The following FRMD4A variants were observed in gnomAD, a reference collection of about 807,000 sequenced individuals.
FRMD4A encodes FERM domain-containing protein 4A.
FRMD4A carries 29 observed loss-of-function variants against 129.1 expected under a neutral mutation model. The observed-to-expected ratio is 0.22, with a 90% confidence interval of 0.17 to 0.31. FRMD4A has a LOEUF of 0.31. Ranked by LOEUF, FRMD4A falls within the 10% of genes least tolerant of loss-of-function variation. The pLI is 1.00. For missense variants in FRMD4A, 1,272 were observed against 1,375.8 expected (o/e 0.92, Z 1.19); for synonymous variants, 634 against 571.6 (o/e 1.11, Z -1.56).
At chr10:13,700,820 C>CTTTTTTTTTTTT (rs71503097) in intron 14 of FRMD4A, among the ~76,000 whole-genome samples, 12 of 44,706 alleles carry the variant, frequency 2.7e-4, no homozygotes, top group South Asian at 1.5e-3. Flanking sequence ...AGGGTAGTTG[C>CTTTTTTTTTTTT]TTTTTTTTTT....
At chr10:14,087,421 G>A (rs1286747626) in intron 2 of FRMD4A, 1 of 151,060 alleles carries the variant, frequency 6.6e-6, no homozygotes, top group Non-Finnish European at 1.5e-5. Context: ...GGTTGAGAAG[G>A]AAGATACACA....
intron 2 of FRMD4A, among the ~76,000 whole-genome samples, chr10:14,310,059 G>A (rs1204965914): frequency 6.6e-6 from 1 of 152,100 alleles, no homozygotes; most frequent in African/African-American, 2.4e-5. Context: ...CTCTAACCCT[G>A]TGAGTTGAAC....
At chr10:14,265,404 C>A (rs1844944054) in intron 2 of FRMD4A, among the ~76,000 whole-genome samples, 3 of 152,016 alleles carry the variant, frequency 2.0e-5, no homozygotes, top group Admixed American at 6.6e-5. Context: ...GTTTTGTAAC[C>A]TGAAAGTTTC....
intron 2 of FRMD4A, among the ~76,000 whole-genome samples, chr10:13,884,196 T>TCTCACACACA (rs1491053794): frequency 4.6e-5 from 5 of 108,536 alleles, no homozygotes; most frequent in South Asian, 8.2e-4. Flanking sequence ...ACACACACAC[T>TCTCACACACA]CACACACACA....
At chr10:14,269,780 G>A (rs1000202461) in intron 2 of FRMD4A, among the ~76,000 whole-genome samples, 9 of 152,090 alleles carry the variant, frequency 5.9e-5, no homozygotes, top group Non-Finnish European at 8.8e-5. Context: ...AATAATTAAC[G>A]GATGGTAATT....
intron 16 of FRMD4A, among the ~76,000 whole-genome samples, chr10:13,674,086 G>A (rs1470398239): frequency 4.6e-5 from 7 of 152,122 alleles, no homozygotes; most frequent in African/African-American, 1.7e-4. Context: ...ATTTAAAAAT[G>A]TCATTAGGCT....
At chr10:14,298,709 G>A (rs867970) in intron 2 of FRMD4A, among the ~76,000 whole-genome samples, 17,783 of 152,152 alleles carry the variant, frequency 0.12, 1,136 homozygotes, top group Middle Eastern at 0.24. Context: ...ATCTGTGTTC[G>A]TGGCCTTTCT....
intron 14 of FRMD4A, among the ~76,000 whole-genome samples, chr10:13,698,101 A>AGG (rs1249600363): frequency 6.6e-6 from 1 of 151,708 alleles, no homozygotes; most frequent in South Asian, 2.1e-4. Context: ...GGAGGGAGGG[A>AGG]GAGACAGGCA....
chr10:14,157,240 A>G (rs79580872), intron 2 of FRMD4A, among the ~76,000 whole-genome samples: 11,134 of 152,244 alleles, frequency 0.073, 564 homozygotes, highest in African/African-American at 0.13. Context: ...CACAGTCTTC[A>G]TATCTGCTCC....
intron 2 of FRMD4A, among the ~76,000 whole-genome samples, chr10:14,245,823 C>T (rs529876283): frequency 3.7e-4 from 56 of 152,146 alleles, no homozygotes; most frequent in Non-Finnish European, 6.5e-4. Context: ...TGTTGTTTAA[C>T]CCTCCCAGTC....
Position 13,656,796 on chromosome 10 carries a change from C to A in FRMD4A, c.2793G>T (p.Trp931Cys). 1 of 1,589,556 alleles carries A rather than the reference C, an allele frequency of 6.3e-7. No homozygotes were observed. The highest frequency in any genetic ancestry group is 8.5e-7 in the Non-Finnish European group (1 of 1,169,928). Residue 931 changes from tryptophan (W) to cysteine (C), a missense_variant, in exon 22 of 25, where the codon TGG becomes TGT. Trp to Cys is a radical substitution (Grantham distance 215). Transcript: ENST00000357447. ...TGTGCGAGGCGGTGGAACGCTGGTA[C>A]CACTGGCGCAGCTCGTCTGAGACGG... ...RAAVSDELRQ[W>C]YQRSTASHKE...
chr10:13,940,152 T>C lies in FRMD4A; in HGVS notation c.46-81240A>G, dbSNP rs139132514. Reference sequence around the variant, plus strand: ...TCAGTTTCCCCAAGTACTCATGGAGTGAAGTCATGTTTCTCAGTACGTGCT... The same window carrying C: ...TCAGTTTCCCCAAGTACTCATGGAGCGAAGTCATGTTTCTCAGTACGTGCT... On this transcript the variant is annotated intron_variant, in intron 2 of 24. Transcript: ENST00000357447. 1.3e-4 allele frequency among the ~76,000 whole-genome samples: 20 copies of C among 151,692 alleles called. No individual in the cohort carries two copies. The East Asian group carries it at 3.7e-3, about 28-fold the overall frequency.
intron 2 of FRMD4A, among the ~76,000 whole-genome samples, chr10:13,933,029 C>T (rs1471821186): frequency 6.6e-6 from 1 of 152,034 alleles, no homozygotes; most frequent in Non-Finnish European, 1.5e-5. Flanking sequence ...GGCGTGGTGG[C>T]AGTCATCTGT....
At chr10:13,929,380 C>T (rs1489408852) in intron 2 of FRMD4A, among the ~76,000 whole-genome samples, 1 of 152,206 alleles carries the variant, frequency 6.6e-6, no homozygotes, top group East Asian at 1.9e-4. Context: ...TTTGTGTCCA[C>T]CTGGCAGGTG....
intron 2 of FRMD4A, among the ~76,000 whole-genome samples, chr10:14,057,459 C>A (rs913501151): frequency 6.6e-6 from 1 of 152,102 alleles, no homozygotes; most frequent in African/African-American, 2.4e-5. Context: ...TGCTTCAATT[C>A]AAGAAATTTC....
chr10:13,909,957 T>C (rs1392088997), intron 2 of FRMD4A, among the ~76,000 whole-genome samples: 1 of 152,252 alleles, frequency 6.6e-6, no homozygotes, highest in Non-Finnish European at 1.5e-5. Flanking sequence ...AGCACTGTAA[T>C]TAAAGGATAC....
chr10:14,242,194 A>G (rs1844072761), intron 2 of FRMD4A, among the ~76,000 whole-genome samples: 1 of 152,220 alleles, frequency 6.6e-6, no homozygotes, highest in Non-Finnish European at 1.5e-5. Flanking sequence ...CAGAGTCCAC[A>G]GATTGGATAT....
chr10:14,079,405 G>A (rs1003087653), intron 2 of FRMD4A, among the ~76,000 whole-genome samples: 1 of 152,148 alleles, frequency 6.6e-6, no homozygotes, highest in Non-Finnish European at 1.5e-5. Context: ...TGGAAACTCA[G>A]CCTTTCCATC....
chr10:13,881,438 G>A (rs748800710), intron 2 of FRMD4A, among the ~76,000 whole-genome samples: 1 of 151,926 alleles, frequency 6.6e-6, no homozygotes, highest in Non-Finnish European at 1.5e-5. Context: ...GACAGAGAGA[G>A]AAAGAGAGTT....
Sources: allele counts gnomAD v4.1 joint callset (sites outside exome capture counted in the v4.1 genomes callset), GRCh38; gene constraint gnomAD v4.1.1; transcripts MANE v1.5; gene names NCBI Gene and HGNC (gene_info 2026-07-23, HGNC 2026-07-21).